Variants in TP53BP1 observed in about 807,000 individuals in gnomAD.
TP53BP1 encodes TP53-binding protein 1.
In TP53BP1, 61 loss-of-function variants were observed where a neutral mutation model predicts 200.8. That is an observed-to-expected ratio of 0.30 (90% confidence interval 0.25 to 0.38). TP53BP1 has a LOEUF of 0.38. TP53BP1 is among the 10% of genes least tolerant of loss of function. The pLI, the probability that TP53BP1 is intolerant of heterozygous loss-of-function variation, is 1.00. For synonymous variants in TP53BP1, 822 were observed against 844.3 expected (o/e 0.97, Z 0.46); for missense variants, 2,144 against 2,371.9 (o/e 0.90, Z 2.00).
chr15:43,432,426 A>G lies in TP53BP1; in HGVS notation c.3443T>C (p.Leu1148Ser), dbSNP rs761616475. ...STNKENPSKA[L>S]IERPSQNNIG... ...GTTATTTTGGCTGGGCCTTTCAATC[A>G]AGGCCTTACTAGGATTTTCCTTATT... Residue 1148 changes from leucine to serine, a missense_variant, in exon 17 of 28, where the codon TTG (leucine) becomes TCG (serine). Leu to Ser is a moderately radical substitution (Grantham distance 145). Coordinates refer to ENST00000382044, the MANE Select transcript of TP53BP1 (RefSeq NM_001141980.3). 1.8e-5 allele frequency: 29 copies of G among 1,614,006 alleles called. No homozygotes were observed. The East Asian group carries it at 6.5e-4, about 36-fold the overall frequency.
intron 11 of TP53BP1, among the ~76,000 whole-genome samples, chr15:43,463,156 T>C (rs1487674670): frequency 6.6e-6 from 1 of 152,222 alleles, no homozygotes; most frequent in African/African-American, 2.4e-5. Context: ...AAACATTTAA[T>C]TGTCTAATTT....
chr15:43,474,598 A>G (rs2046810708), intron 10 of TP53BP1, 75 bp downstream of exon 10: 1 of 958,398 alleles, frequency 1.0e-6, no homozygotes, highest in African/African-American at 1.6e-5. Flanking sequence ...ACAAAGAAGT[A>G]GTACATTTTG....
intron 21 of TP53BP1, among the ~76,000 whole-genome samples, chr15:43,418,820 CT>C (rs775159401): frequency 3.0e-4 from 45 of 152,290 alleles, no homozygotes; most frequent in South Asian, 1.0e-3. Context: ...AAACTTCTCC[CT>C]AAGCAAAAAT....
At chr15:43,461,760 C>G (rs2046438909) in intron 11 of TP53BP1, among the ~76,000 whole-genome samples, 1 of 151,736 alleles carries the variant, frequency 6.6e-6, no homozygotes, top group Non-Finnish European at 1.5e-5. Flanking sequence ...CCTCCACCTC[C>G]CAGGTTCAAG....
At chr15:43,422,840 A>G (rs926404760) in intron 18 of TP53BP1, among the ~76,000 whole-genome samples, 2 of 151,876 alleles carry the variant, frequency 1.3e-5, no homozygotes, top group African/African-American at 4.8e-5. Context: ...TATGAAAATA[A>G]AACTATTAGC....
At chr15:43,436,273 A>C (rs945394957) in intron 16 of TP53BP1, among the ~76,000 whole-genome samples, 3 of 152,038 alleles carry the variant, frequency 2.0e-5, no homozygotes, top group African/African-American at 7.2e-5. Flanking sequence ...CGCCTGGCTA[A>C]ATCATGCTAC....
chr15:43,495,354 C>G (rs2079175650), upstream of TP53BP1, among the ~76,000 whole-genome samples: 1 of 150,870 alleles, frequency 6.6e-6, no homozygotes, highest in African/African-American at 2.4e-5. Context: ...AAAAAATCAG[C>G]TGGGCATGGT....
chr15:43,423,494 C>T (rs1388999791), intron 18 of TP53BP1, among the ~76,000 whole-genome samples: 6 of 104,582 alleles, frequency 5.7e-5, no homozygotes, highest in African/African-American at 2.2e-4. Flanking sequence ...CCCGTCTCTA[C>T]TAACACAAAA....
intron 24 of TP53BP1, 97 bp from the exon 25 acceptor site, chr15:43,409,838 G>A (rs776109475): frequency 4.0e-5 from 23 of 569,286 alleles, no homozygotes; most frequent in Non-Finnish European, 6.0e-5. Flanking sequence ...CCACTCCCCA[G>A]CTATCCACAA....
intron 12 of TP53BP1, among the ~76,000 whole-genome samples, chr15:43,449,418 G>A (rs779338413): frequency 2.0e-5 from 3 of 152,114 alleles, no homozygotes; most frequent in African/African-American, 4.8e-5. Context: ...ACTATATTAC[G>A]CAAATGCAAT....
In TP53BP1 at chr15:43,416,358, T is replaced by G. The variant is rs979380128; in HGVS notation, c.4740A>C (p.Glu1580Asp). 1 of 1,614,230 alleles carries G rather than the reference T, an allele frequency of 6.2e-7. No individual in the cohort carries two copies. The highest frequency in any genetic ancestry group is 1.3e-5 in the African/African-American group (1 of 75,058). Residue 1580 changes from glutamate to aspartate, a missense_variant, in exon 22 of 28, where the codon GAA (glutamate) becomes GAC (aspartate). Coordinates refer to ENST00000382044, the MANE Select transcript of TP53BP1 (RefSeq NM_001141980.3). ...TTCGCTTATACCACTTTCTTTGGCC[T>G]TCTTTTTCAATGCTGTAGTACAGTT... ...SGELYYSIEK[E>D]GQRKWYKRMA...
At chr15:43,468,069 G>A (rs1199402112) in intron 11 of TP53BP1, among the ~76,000 whole-genome samples, 2 of 151,974 alleles carry the variant, frequency 1.3e-5, no homozygotes, top group African/African-American at 2.4e-5. Context: ...ACAGGCATGA[G>A]CCACCACACC....
chr15:43,498,626 A>T (rs2079193444), intron 1 of TP53BP1, among the ~76,000 whole-genome samples: 1 of 152,240 alleles, frequency 6.6e-6, no homozygotes, highest in South Asian at 2.1e-4. Flanking sequence ...CTACAAAGAC[A>T]AAACCATTAA....
chr15:43,471,057 A>T (rs45521135), intron 10 of TP53BP1, among the ~76,000 whole-genome samples: 5 of 152,332 alleles, frequency 3.3e-5, no homozygotes, highest in South Asian at 2.1e-4. Context: ...AGCACATTAA[A>T]AACCTGCTGT....
intron 25 of TP53BP1, 43 bp downstream of exon 25, chr15:43,409,604 T>A: frequency 8.8e-7 from 1 of 1,131,392 alleles, no homozygotes; most frequent in Non-Finnish European, 1.3e-6. Flanking sequence ...AAGTTGGCTC[T>A]TATCATTGCC....
At chr15:43,454,852 C>T (rs1393920355) in intron 12 of TP53BP1, among the ~76,000 whole-genome samples, 5 of 152,188 alleles carry the variant, frequency 3.3e-5, no homozygotes, top group African/African-American at 9.7e-5. Flanking sequence ...ATGCCTCAGC[C>T]TCCCGAGTAG....
rs36110259 is a variant in TP53BP1 at position 43,501,203 on chromosome 15, AT to A, written c.-8-8736del. On this transcript the variant is annotated intron_variant, in intron 1 of 27. Transcript: ENST00000263801. ...GAAATCTATAGCTCTTAATTGTGTA[AT>A]TTTTTTTTTTTTTAAGAGACAGGGT... Among the ~76,000 whole-genome samples the A allele has an allele frequency of 2.5e-3, 366 of 144,984 alleles. 3 individuals are homozygous for A. The highest frequency in any genetic ancestry group is 7.1e-3 in the Middle Eastern group (2 of 282).
At chr15:43,497,555 G>T, upstream of TP53BP1, 2 of 547,062 alleles carry the variant, frequency 3.7e-6, no homozygotes, top group Non-Finnish European at 4.7e-6. Context: ...AATAAAAATC[G>T]AGAGTGATAT....
intron 4 of TP53BP1, among the ~76,000 whole-genome samples, chr15:43,485,882 G>C (rs781530574): frequency 6.6e-6 from 1 of 152,026 alleles, no homozygotes; most frequent in Non-Finnish European, 1.5e-5. Context: ...AAAATTTGTA[G>C]AATGATTAGA....
Sources: allele counts gnomAD v4.1 joint callset (sites outside exome capture counted in the v4.1 genomes callset), GRCh38; gene constraint gnomAD v4.1.1; transcripts MANE v1.5; gene names NCBI Gene and HGNC (gene_info 2026-07-23, HGNC 2026-07-21).